The following GIT2 variants were observed in gnomAD, a reference collection of about 807,000 sequenced individuals.
The protein encoded by GIT2 is ARF GTPase-activating protein GIT2.
A neutral mutation model predicts 100.3 loss-of-function variants in GIT2; 32 were observed. The ratio of observed to expected loss-of-function variants is 0.32; its 90% CI spans 0.24 to 0.43. GIT2 has a LOEUF of 0.43. Ranked by LOEUF, GIT2 falls within the 20% of genes least tolerant of loss-of-function variation. GIT2 has a pLI of 1.00. For synonymous variants in GIT2, 353 were observed against 364.1 expected (o/e 0.97, Z 0.35); for missense variants, 737 against 975.1 (o/e 0.76, Z 3.25).
Position 109,996,348 on chromosome 12 carries a change from A to G in GIT2, c.-124T>C. 1 of 633,360 alleles carries G rather than the reference A, an allele frequency of 1.6e-6. No homozygotes were observed. Among genetic ancestry groups the G allele is most frequent in the South Asian group, 2.0e-5 (1 of 50,734 alleles). 39.2% of individuals were successfully genotyped at this position (633,360 alleles called of 1,614,324 possible). ...CGCTGACGGCGGCGCCTCTCCCCTC[A>G]GCGCCTTGCAGCCTTGGCACAGCAC... On this transcript the variant is annotated 5_prime_UTR_variant, in exon 1 of 20. Coordinates refer to ENST00000355312, the MANE Select transcript of GIT2 (RefSeq NM_057169.5).
At chr12:109,968,124 A>G (rs1802780459) in intron 7 of GIT2, among the ~76,000 whole-genome samples, 1 of 152,232 alleles carries the variant, frequency 6.6e-6, no homozygotes, top group African/African-American at 2.4e-5. Context: ...TGGTAAATGT[A>G]TGTTTAACTT....
rs1487897497 is a variant in GIT2, at chr12:109,929,959, C to G, written c.*3019G>C. Reference sequence around the variant, plus strand: ...TCAAACACGTTGGAATAAAAGGCATCTCAGTTTTCCTATGCAGCATTTTCT... The same window carrying G: ...TCAAACACGTTGGAATAAAAGGCATGTCAGTTTTCCTATGCAGCATTTTCT... On this transcript the variant is annotated 3_prime_UTR_variant, in exon 20 of 20. Coordinates refer to ENST00000355312, the MANE Select transcript of GIT2 (RefSeq NM_057169.5). 2 of 152,540 alleles carry G rather than the reference C, an allele frequency of 1.3e-5. No individual in the cohort carries two copies. Among genetic ancestry groups the G allele is most frequent in the Non-Finnish European group, 2.9e-5 (2 of 68,044 alleles). 9.4% of individuals were successfully genotyped at this position (152,540 alleles called of 1,614,324 possible).
chr12:109,955,969 T>C (rs1157707355), intron 12 of GIT2, among the ~76,000 whole-genome samples: 1 of 148,968 alleles, frequency 6.7e-6, no homozygotes, highest in African/African-American at 2.5e-5. Flanking sequence ...CACTCTGTCA[T>C]CCAGGCTGGA....
chr12:109,948,488 G>A lies in GIT2; in HGVS notation c.1393-984C>T. 8.5e-7 allele frequency: 1 copy of A among 1,173,784 alleles called. No homozygotes were observed. Among genetic ancestry groups the A allele is most frequent in the Non-Finnish European group, 1.1e-6 (1 of 948,032 alleles). 72.7% of individuals were successfully genotyped at this position (1,173,784 alleles called of 1,614,324 possible). On this transcript the variant is annotated intron_variant, in intron 14 of 19. Transcript: ENST00000355312. This position sits in a 1 kb window ranked among gnomAD's most constrained non-coding sequence, Gnocchi z 4.3. ...ATGGATTAGAGTTAAGGGGTCAGCA[G>A]GGAATCGTGTTACTCTTTGGCATCT...
At chr12:109,986,656 T>G (rs1852717348) in intron 4 of GIT2, among the ~76,000 whole-genome samples, 1 of 152,178 alleles carries the variant, frequency 6.6e-6, no homozygotes, top group African/African-American at 2.4e-5. Flanking sequence ...TCCCAGCTAC[T>G]CAGGAGGCTG....
intron 3 of GIT2, among the ~76,000 whole-genome samples, chr12:109,989,410 C>G (rs1206183115): frequency 6.6e-6 from 1 of 152,126 alleles, no homozygotes; most frequent in Non-Finnish European, 1.5e-5. Flanking sequence ...CTGGTCTGAT[C>G]GCCTCTTATT....
chr12:109,942,714 T>A (rs1329016832), intron 16 of GIT2: 1 of 152,224 alleles, frequency 6.6e-6, no homozygotes, highest in Non-Finnish European at 1.5e-5. Flanking sequence ...TGATGAAAAG[T>A]ACCAAGTTTC....
At chr12:109,999,689 A>G (rs1264612437), upstream of GIT2, 1 of 1,532,586 alleles carries the variant, frequency 6.5e-7, no homozygotes, top group Non-Finnish European at 8.8e-7. The surrounding 1 kb of genome is among the most constrained non-coding windows in gnomAD (Gnocchi z 4.3). Context: ...CCTCCTCGCC[A>G]TGTCCTCGGC....
At position 109,961,649 on chromosome 12, in the gene GIT2, C is replaced by T. The variant is rs17849472; in HGVS notation, c.853G>A (p.Val285Met). 3.0e-5 allele frequency: 48 copies of T among 1,606,918 alleles called. No individual in the cohort carries two copies. The highest frequency in any genetic ancestry group is 2.7e-5 in the African/African-American group (2 of 74,774). The change falls in exon 10 of 20, where the codon GTG (valine) becomes ATG (methionine). Residue 285 changes from valine to methionine, a missense_variant. Physicochemically the swap from Val to Met is conservative, Grantham distance 21 (BLOSUM62 1). Transcript: ENST00000355312. Reference sequence around the variant, plus strand: ...TCTCGCCTGTCAACTTCATCGTACACATCCATGGCAAGTTCTTCAAACAAA... The same window carrying T: ...TCTCGCCTGTCAACTTCATCGTACATATCCATGGCAAGTTCTTCAAACAAA... The part of the protein sequence containing the change: ...NHLFEELAMD[V>M]YDEVDRRETD...
intron 16 of GIT2, 58 bp from the exon 17 acceptor site, chr12:109,939,305 C>G: frequency 1.0e-6 from 1 of 976,892 alleles, no homozygotes. Context: ...TCTCAGGAGT[C>G]TTCCCCAGGA....
chr12:109,994,332 G>A (rs922580035), intron 1 of GIT2, among the ~76,000 whole-genome samples: 1 of 152,144 alleles, frequency 6.6e-6, no homozygotes, highest in Non-Finnish European at 1.5e-5. Flanking sequence ...GGGCTCCAGG[G>A]ACACCACAAA....
chr12:109,952,542 T>C (rs1878191350), intron 13 of GIT2: 1 of 518,942 alleles, frequency 1.9e-6, no homozygotes, highest in African/African-American at 1.9e-5. Context: ...GTCCCAACCT[T>C]TTTAGGCTGT....
At position 109,962,312 on chromosome 12, in the gene GIT2, C is replaced by G. The variant is rs1186764051; in HGVS notation, c.817-627G>C. 6.6e-6 allele frequency among the ~76,000 whole-genome samples: 1 copy of G among 151,586 alleles called. No individual in the cohort carries two copies. The highest frequency in any genetic ancestry group is 1.5e-5 in the Non-Finnish European group (1 of 67,610). On this transcript the variant is annotated intron_variant, in intron 9 of 19. Coordinates refer to ENST00000355312, the MANE Select transcript of GIT2 (RefSeq NM_057169.5). This position sits in a 1 kb window ranked among gnomAD's most constrained non-coding sequence, Gnocchi z 4.3. ...AGGCTGCAGTGAGCCAAGATCACAC[C>G]ACTGCACTCCAGGCTGGGTGACAGA...
chr12:109,967,130 C>T (rs1156368258), intron 8 of GIT2, among the ~76,000 whole-genome samples: 1 of 152,150 alleles, frequency 6.6e-6, no homozygotes, highest in Non-Finnish European at 1.5e-5. Flanking sequence ...GAAGAAAAGT[C>T]TGCCAACCCC....
At chr12:109,991,955 G>A in intron 1 of GIT2, 195 bp from the exon 2 acceptor site, 1 of 498,132 alleles carries the variant, frequency 2.0e-6, no homozygotes, top group Non-Finnish European at 3.6e-6. Flanking sequence ...TGTTAATTGA[G>A]ACTAAAAACA....
chr12:109,959,680 C>T (rs1411824620), intron 12 of GIT2, among the ~76,000 whole-genome samples, 167 bp downstream of exon 12: 1 of 152,088 alleles, frequency 6.6e-6, no homozygotes, highest in Non-Finnish European at 1.5e-5. Flanking sequence ...AACAAGCCTG[C>T]ACATTCTGCA....
chr12:109,962,987 C>G lies in GIT2; in HGVS notation c.817-1302G>C, dbSNP rs968550851. On this transcript the variant is annotated intron_variant, in intron 9 of 19. Coordinates refer to ENST00000355312, the MANE Select transcript of GIT2 (RefSeq NM_057169.5). The surrounding 1 kb of genome is among the most constrained non-coding windows in gnomAD (Gnocchi z 4.3). ...CACCACTGCACGCCAGCCTGGGTGA[C>G]GGAGTGAGACCTTGTCTCGAAAAAA... Among the ~76,000 whole-genome samples, 2 of 151,762 alleles carry G rather than the reference C, an allele frequency of 1.3e-5. No homozygotes were observed. Among genetic ancestry groups the G allele is most frequent in the African/African-American group, 2.4e-5 (1 of 41,338 alleles).
At chr12:109,943,923 G>T (rs945171930) in intron 16 of GIT2, among the ~76,000 whole-genome samples, 11 of 152,048 alleles carry the variant, frequency 7.2e-5, no homozygotes, top group African/African-American at 2.7e-4. Context: ...GAACTCCTGG[G>T]CTCAAGCAAT....
chr12:109,994,258 T>C (rs1295509326), intron 1 of GIT2, among the ~76,000 whole-genome samples: 1 of 152,128 alleles, frequency 6.6e-6, no homozygotes. Context: ...AATGTTAACA[T>C]AGTAAAATAA....
Sources: allele counts gnomAD v4.1 joint callset (sites outside exome capture counted in the v4.1 genomes callset), GRCh38; gene constraint gnomAD v4.1.1; non-coding constraint Gnocchi (gnomAD v3.1); transcripts MANE v1.5; gene names NCBI Gene and HGNC (gene_info 2026-07-23, HGNC 2026-07-21).